The following ABLIM1 variants were observed in gnomAD, a reference collection of about 807,000 sequenced individuals.
ABLIM1 encodes actin binding LIM protein 1.
In ABLIM1, 40 loss-of-function variants were observed where a neutral mutation model predicts 107.0. The ratio of observed to expected loss-of-function variants is 0.37; its 90% CI spans 0.29 to 0.49. The LOEUF (loss-of-function observed/expected upper bound fraction) is 0.49, where lower values mean the gene tolerates loss of function less well. ABLIM1 is among the 20% of genes least tolerant of loss of function. The pLI, the probability that ABLIM1 is intolerant of heterozygous loss-of-function variation, is 0.97. For missense variants in ABLIM1, 857 were observed against 1,008.5 expected, an observed-to-expected ratio of 0.85 and a Z score of 2.04; for synonymous variants, 357 against 357.3, an observed-to-expected ratio of 1.00 and a Z score of 0.01.
chr10:114,601,043 T>C (rs2075933108), intron 2 of ABLIM1, among the ~76,000 whole-genome samples: 1 of 142,622 alleles, frequency 7.0e-6, no homozygotes, highest in African/African-American at 2.6e-5. Context: ...AATTCTCACA[T>C]CTCAATACAC....
chr10:114,464,499 T>A (rs1475614315), intron 12 of ABLIM1, among the ~76,000 whole-genome samples: 1 of 152,150 alleles, frequency 6.6e-6, no homozygotes, highest in African/African-American at 2.4e-5. Context: ...CATAAAGGAT[T>A]TCTTATTACC....
At chr10:114,515,219 C>T (rs1236795300) in intron 6 of ABLIM1, among the ~76,000 whole-genome samples, 2 of 152,208 alleles carry the variant, frequency 1.3e-5, no homozygotes, top group Non-Finnish European at 2.9e-5. Context: ...ATTCCCGCAG[C>T]GGCCATGTCA....
chr10:114,756,598 T>A (rs2082635521), intron 1 of ABLIM1, among the ~76,000 whole-genome samples: 1 of 152,224 alleles, frequency 6.6e-6, no homozygotes, highest in Non-Finnish European at 1.5e-5. Context: ...GTTTAAAATT[T>A]TTCCTCATAT....
chr10:114,619,750 C>T lies in ABLIM1; in HGVS notation c.245-17789G>A, dbSNP rs1458851852. ...GTGATCCCAACTGAAAAAGCAATTC[C>T]AGAAATACCAGGCTTGAAAGCTGAC... is the stretch of plus-strand genomic sequence containing the variant. On this transcript the variant is annotated intron_variant, in intron 1 of 22. Coordinates refer to ENST00000533213, the MANE Select transcript of ABLIM1 (RefSeq NM_002313.7). The surrounding 1 kb of genome is among the most constrained non-coding windows in gnomAD (Gnocchi z 4.1). Among the ~76,000 whole-genome samples, 1 of 152,194 alleles carries T rather than the reference C, an allele frequency of 6.6e-6. No homozygotes were observed. The highest frequency in any genetic ancestry group is 1.5e-5 in the Non-Finnish European group (1 of 68,036).
At chr10:114,515,622 T>C (rs1418822852) in intron 6 of ABLIM1, among the ~76,000 whole-genome samples, 2 of 152,208 alleles carry the variant, frequency 1.3e-5, no homozygotes, top group Non-Finnish European at 2.9e-5. Context: ...CAAAAAGATA[T>C]GTTCAAGCCC....
At chr10:114,586,659 G>A (rs147574730) in intron 2 of ABLIM1, among the ~76,000 whole-genome samples, 76 of 149,450 alleles carry the variant, frequency 5.1e-4, no homozygotes, top group Middle Eastern at 3.4e-3. Context: ...AGCAGGCTCC[G>A]GAAGAGAGCT....
intron 12 of ABLIM1, among the ~76,000 whole-genome samples, chr10:114,458,118 G>A (rs765261282): frequency 4.1e-5 from 6 of 146,904 alleles, no homozygotes; most frequent in South Asian, 4.4e-4. Context: ...GTGTGTGTGC[G>A]CACATAATAC....
the ABLIM1 span, among the ~76,000 whole-genome samples, chr10:114,792,463 A>G: frequency 4.7e-3 from 714 of 152,356 alleles, 10 homozygotes; most frequent in African/African-American, 0.016. Context: ...GATACATCAG[A>G]TAACTTTCAT....
chr10:114,601,419 C>T (rs890158829), intron 2 of ABLIM1, among the ~76,000 whole-genome samples: 2 of 152,076 alleles, frequency 1.3e-5, no homozygotes, highest in African/African-American at 4.8e-5. Context: ...ACGCCCACCA[C>T]TGCACCCAGC....
chr10:114,471,297 CGT>C (rs2066496546), intron 10 of ABLIM1, among the ~76,000 whole-genome samples: 1 of 152,176 alleles, frequency 6.6e-6, no homozygotes, highest in Non-Finnish European at 1.5e-5. Flanking sequence ...CACACAGACA[CGT>C]ACACTGCACA....
At chr10:114,677,979 A>C (rs899579560) in intron 1 of ABLIM1, among the ~76,000 whole-genome samples, 1 of 152,188 alleles carries the variant, frequency 6.6e-6, no homozygotes, top group Non-Finnish European at 1.5e-5. Flanking sequence ...CTGACAATAG[A>C]AAAATACTCA....
chr10:114,550,417 G>A (rs554648222), intron 4 of ABLIM1, among the ~76,000 whole-genome samples: 2 of 152,224 alleles, frequency 1.3e-5, no homozygotes, highest in South Asian at 2.1e-4. Flanking sequence ...AGCAGGTGTA[G>A]GTTCACAGCA....
chr10:114,768,265 A>G (rs2082955069), upstream of ABLIM1, among the ~76,000 whole-genome samples: 1 of 145,638 alleles, frequency 6.9e-6, no homozygotes, highest in South Asian at 2.1e-4. Flanking sequence ...GGCCGCAGGG[A>G]CCCGCCGGGC....
intron 1 of ABLIM1, among the ~76,000 whole-genome samples, chr10:114,646,680 G>A (rs2483528): frequency 0.021 from 3,236 of 152,306 alleles, 99 homozygotes; most frequent in African/African-American, 0.074. Context: ...TGGTCCTCAC[G>A]ACTACAGGAG....
intron 6 of ABLIM1, among the ~76,000 whole-genome samples, chr10:114,496,225 G>A (rs1368694271): frequency 6.6e-6 from 1 of 152,172 alleles, no homozygotes; most frequent in East Asian, 1.9e-4. Flanking sequence ...CAAGATGAAT[G>A]GAAGTTACAT....
chr10:114,495,982 T>C (rs954766520), intron 6 of ABLIM1, among the ~76,000 whole-genome samples: 3 of 152,140 alleles, frequency 2.0e-5, no homozygotes, highest in African/African-American at 7.2e-5. Context: ...ATTTTGAAAA[T>C]GGTGTGACAC....
chr10:114,590,835 G>A (rs185626311), intron 2 of ABLIM1, among the ~76,000 whole-genome samples: 1 of 152,206 alleles, frequency 6.6e-6, no homozygotes, highest in East Asian at 1.9e-4. Context: ...TTCTGCATGG[G>A]TTTAATATGG....
chr10:114,764,643 A>G (rs1021551522), intron 1 of ABLIM1: 7 of 152,374 alleles, frequency 4.6e-5, no homozygotes, highest in Non-Finnish European at 5.9e-5. Context: ...CACCCGGCCA[A>G]TTGATTTCAT....
intron 4 of ABLIM1, among the ~76,000 whole-genome samples, chr10:114,556,993 A>T (rs1416156292): frequency 1.3e-5 from 2 of 152,218 alleles, no homozygotes; most frequent in African/African-American, 4.8e-5. Context: ...TAGCTTCTGA[A>T]ATTCTATGCT....
Sources: gnomAD v4.1 joint callset for allele counts (sites outside exome capture counted in the v4.1 genomes callset) on GRCh38, gnomAD v4.1.1 for gene constraint, Gnocchi (gnomAD v3.1) non-coding constraint, MANE v1.5 for transcripts, NCBI Gene and HGNC (gene_info 2026-07-23, HGNC 2026-07-21) for gene names.